The following FLRT2 variants were observed in gnomAD, a reference collection of about 807,000 sequenced individuals.
The protein encoded by FLRT2 is fibronectin leucine rich transmembrane protein 2.
A neutral mutation model predicts 40.0 loss-of-function variants in FLRT2; 15 were observed. The observed-to-expected ratio is 0.38, with a 90% CI of 0.25 to 0.58. FLRT2 has a LOEUF of 0.58. Ranked by LOEUF, FLRT2 falls within the 20% of genes least tolerant of loss-of-function variation. The probability of loss-of-function intolerance (pLI) is 0.71; values close to 1 mark genes in which losing one functional copy is unlikely to be tolerated. For missense variants in FLRT2, 726 were observed against 840.0 expected, an observed-to-expected ratio of 0.86 and a Z score of 1.68; for synonymous variants, 380 against 336.8, an observed-to-expected ratio of 1.13 and a Z score of -1.41.
intron 1 of FLRT2, among the ~76,000 whole-genome samples, chr14:85,578,750 G>A (rs1891247338): frequency 6.6e-6 from 1 of 152,102 alleles, no homozygotes; most frequent in Admixed American, 6.6e-5. Context: ...AAGGAGTATT[G>A]CTTCAAATTG....
chr14:85,579,228 C>T (rs188566831), intron 1 of FLRT2, among the ~76,000 whole-genome samples: 20 of 152,276 alleles, frequency 1.3e-4, no homozygotes. Context: ...GGCCCAGATG[C>T]AATCTATGCT....
At chr14:85,541,294 T>G (rs756903275) in intron 1 of FLRT2, among the ~76,000 whole-genome samples, 24 of 152,294 alleles carry the variant, frequency 1.6e-4, no homozygotes, top group Non-Finnish European at 2.8e-4. Context: ...GCACTATCCA[T>G]GAACTGGGCA....
rs1033539641 is a variant in FLRT2, at chr14:85,653,157, T to C, written c.*29660T>C. 2 of 152,178 alleles carry C rather than the reference T, an allele frequency of 1.3e-5. No homozygotes were observed. The highest frequency in any genetic ancestry group is 2.9e-5 in the Non-Finnish European group (2 of 68,042). The allele number at this position is 152,178 out of a possible 1,614,324, so 9.4% of individuals were successfully genotyped here. On this transcript the variant is annotated 3_prime_UTR_variant, in exon 2 of 2. Coordinates refer to ENST00000330753, the MANE Select transcript of FLRT2 (RefSeq NM_013231.6). The stretch of plus-strand genomic sequence containing the variant: ...CCTTTTCTTTTTAAACATTTTCAAT[T>C]TGTGATCTGCTTGAGGACTTGTACA...
At position 85,645,360 on chromosome 14, in the gene FLRT2, T is replaced by C. The variant is rs145511194; in HGVS notation, c.*21863T>C. ...TATATATATGATTGGCTGAGTGCTC[T>C]ATTTGTTGCTTGAGCAGGTGTTCAC... is the stretch of plus-strand genomic sequence containing the variant. On this transcript the variant is annotated 3_prime_UTR_variant, in exon 2 of 2. Transcript: ENST00000330753. 1.8e-3 allele frequency: 270 copies of C among 152,170 alleles called. No individual in the cohort carries two copies. Among genetic ancestry groups the C allele is most frequent in the African/African-American group, 6.2e-3 (258 of 41,536 alleles). 9.4% of individuals were successfully genotyped at this position (152,170 alleles called of 1,614,324 possible).
intron 1 of FLRT2, among the ~76,000 whole-genome samples, chr14:85,534,642 A>C (rs1888529905): frequency 6.6e-6 from 1 of 150,592 alleles, no homozygotes; most frequent in Non-Finnish European, 1.5e-5. Flanking sequence ...GGAGGGGGTT[A>C]GTGGTGTTGC....
At chr14:85,542,204 T>C (rs1389617379) in intron 1 of FLRT2, among the ~76,000 whole-genome samples, 1 of 152,186 alleles carries the variant, frequency 6.6e-6, no homozygotes, top group Non-Finnish European at 1.5e-5. Flanking sequence ...AGGAACTTCT[T>C]ACTGTTTCTA....
At chr14:85,617,868 G>A (rs1489506264) in intron 1 of FLRT2, among the ~76,000 whole-genome samples, 1 of 152,162 alleles carries the variant, frequency 6.6e-6, no homozygotes, top group Non-Finnish European at 1.5e-5. Flanking sequence ...GTCTAGATGG[G>A]ACTTTTCTCC....
chr14:85,546,037 A>G (rs977791409), intron 1 of FLRT2, among the ~76,000 whole-genome samples: 1 of 152,210 alleles, frequency 6.6e-6, no homozygotes, highest in Admixed American at 6.5e-5. Context: ...GGGTGAAAAA[A>G]TGATGAGAGA....
intron 1 of FLRT2, among the ~76,000 whole-genome samples, chr14:85,546,800 G>A (rs1469872921): frequency 6.6e-6 from 1 of 152,106 alleles, no homozygotes; most frequent in East Asian, 1.9e-4. Flanking sequence ...AACTCACTTG[G>A]GTTTTCCACT....
intron 1 of FLRT2, among the ~76,000 whole-genome samples, chr14:85,543,178 ATG>A (rs753241864): frequency 1.8e-4 from 28 of 152,212 alleles, no homozygotes; most frequent in South Asian, 1.0e-3. Context: ...GGAGATTCTG[ATG>A]TGTTAAGTCT....
chr14:85,576,446 T>C (rs1891130826), intron 1 of FLRT2, among the ~76,000 whole-genome samples: 1 of 152,194 alleles, frequency 6.6e-6, no homozygotes, highest in African/African-American at 2.4e-5. Context: ...ATTTATGAAG[T>C]GCTAAACCAT....
At chr14:85,610,002 G>T (rs549036341) in intron 1 of FLRT2, among the ~76,000 whole-genome samples, 1 of 152,226 alleles carries the variant, frequency 6.6e-6, no homozygotes, top group East Asian at 1.9e-4. Context: ...ACAGTGGGTG[G>T]CCTGTGCCTT....
intron 1 of FLRT2, among the ~76,000 whole-genome samples, chr14:85,609,720 G>A (rs2747005): frequency 0.54 from 82,613 of 152,066 alleles, 22,653 homozygotes; most frequent in East Asian, 0.65. Context: ...AGTGAGCCAT[G>A]AGCTGGGGGA....
At position 85,645,707 on chromosome 14, in the gene FLRT2, G is replaced by A. The variant is rs1894281887; in HGVS notation, c.*22210G>A. The A allele has an allele frequency of 6.6e-6, 1 of 152,116 alleles. No homozygotes were observed. The highest frequency in any genetic ancestry group is 2.1e-4 in the South Asian group (1 of 4,820). 9.4% of individuals were successfully genotyped at this position (152,116 alleles called of 1,614,324 possible). The stretch of plus-strand genomic sequence containing the variant: ...ATCTTTCAGAGATTCAGTAGATAAG[G>A]TGATCTATTATATGGATGTCAAGCT... On this transcript the variant is annotated 3_prime_UTR_variant, in exon 2 of 2. Coordinates refer to ENST00000330753, the MANE Select transcript of FLRT2 (RefSeq NM_013231.6).
chr14:85,576,749 G>A (rs1891141136), intron 1 of FLRT2, among the ~76,000 whole-genome samples: 1 of 152,130 alleles, frequency 6.6e-6, no homozygotes, highest in Non-Finnish European at 1.5e-5. Context: ...TTGCTTGTTT[G>A]GTGGTGGAAA....
At chr14:85,608,347 A>G (rs1471903513) in intron 1 of FLRT2, among the ~76,000 whole-genome samples, 1 of 151,814 alleles carries the variant, frequency 6.6e-6, no homozygotes, top group Non-Finnish European at 1.5e-5. Context: ...CTTCTGCCTC[A>G]GCCTTCCAAG....
chr14:85,557,199 A>C (rs1890021806), intron 1 of FLRT2, among the ~76,000 whole-genome samples: 1 of 152,056 alleles, frequency 6.6e-6, no homozygotes, highest in South Asian at 2.1e-4. Flanking sequence ...CCTGCAAAAC[A>C]CAGAGACCCT....
At chr14:85,585,041 C>T (rs1891556488) in intron 1 of FLRT2, among the ~76,000 whole-genome samples, 1 of 152,176 alleles carries the variant, frequency 6.6e-6, no homozygotes, top group Non-Finnish European at 1.5e-5. Context: ...TAACTTGGCA[C>T]CAAGAAATGG....
intron 1 of FLRT2, among the ~76,000 whole-genome samples, chr14:85,540,620 G>A (rs74998223): frequency 0.018 from 2,798 of 152,126 alleles, 70 homozygotes; most frequent in East Asian, 0.087. Flanking sequence ...GCCAAAATGA[G>A]TATTTCTTTC....
Sources: allele counts gnomAD v4.1 joint callset (sites outside exome capture counted in the v4.1 genomes callset), GRCh38; gene constraint gnomAD v4.1.1; transcripts MANE v1.5; gene names NCBI Gene and HGNC (gene_info 2026-07-23, HGNC 2026-07-21).